Variants in PCSK5 observed in about 807,000 individuals in gnomAD.
The protein encoded by PCSK5 is prohormone convertase 5.
A neutral mutation model predicts 233.2 loss-of-function variants in PCSK5; 129 were observed. That is an observed-to-expected ratio of 0.55 (90% confidence interval 0.48 to 0.64). PCSK5 has a LOEUF of 0.64. Among genes scored for constraint, PCSK5 ranks in the 30% least tolerant of loss-of-function variants. The pLI, the probability that PCSK5 is intolerant of heterozygous loss-of-function variation, is 0.00. For missense variants in PCSK5, 2,076 were observed against 2,430.1 expected, an observed-to-expected ratio of 0.85 and a Z score of 3.06; for synonymous variants, 825 against 879.2, an observed-to-expected ratio of 0.94 and a Z score of 1.09.
chr9:75,934,310 A>G (rs1823949678), intron 2 of PCSK5, among the ~76,000 whole-genome samples: 1 of 152,164 alleles, frequency 6.6e-6, no homozygotes, highest in African/African-American at 2.4e-5. Context: ...CAGGACAGCC[A>G]CGGTTCCTAC....
intron 20 of PCSK5, among the ~76,000 whole-genome samples, chr9:76,208,030 G>C (rs984419323): frequency 3.3e-5 from 5 of 152,144 alleles, no homozygotes; most frequent in Admixed American, 3.3e-4. Context: ...GTGTCAGAGA[G>C]AAATGGGAGC....
At chr9:76,211,958 C>A (rs78027341) in intron 20 of PCSK5, among the ~76,000 whole-genome samples, 2 of 152,194 alleles carry the variant, frequency 1.3e-5, no homozygotes, top group Non-Finnish European at 2.9e-5. Context: ...AGCACTGCAC[C>A]TTTTACCTGC....
chr9:75,972,311 G>A (rs151001050), intron 2 of PCSK5, among the ~76,000 whole-genome samples: 2,312 of 152,242 alleles, frequency 0.015, 59 homozygotes, highest in African/African-American at 0.052. Flanking sequence ...GTCAGGTAGC[G>A]TGATGCCTCC....
chr9:76,119,449 A>G (rs907632906), intron 9 of PCSK5, among the ~76,000 whole-genome samples: 66 of 152,062 alleles, frequency 4.3e-4, no homozygotes, highest in Non-Finnish European at 1.3e-4. Flanking sequence ...AATTTTACAT[A>G]TGCTGATGAA....
intron 24 of PCSK5, among the ~76,000 whole-genome samples, chr9:76,266,354 T>C (rs1410444179): frequency 6.6e-6 from 1 of 152,200 alleles, no homozygotes; most frequent in Admixed American, 6.6e-5. Flanking sequence ...ACTTACTATA[T>C]GTAGACATAA....
chr9:76,319,584 G>A (rs1343601815), intron 30 of PCSK5, among the ~76,000 whole-genome samples: 3 of 152,016 alleles, frequency 2.0e-5, no homozygotes, highest in Admixed American at 1.3e-4. Flanking sequence ...TTGGTCGAGC[G>A]GTAACGCCAG....
intron 3 of PCSK5, among the ~76,000 whole-genome samples, chr9:76,015,555 A>G (rs1015505216): frequency 6.6e-6 from 1 of 152,238 alleles, no homozygotes; most frequent in Non-Finnish European, 1.5e-5. Context: ...GATAAAACAC[A>G]TATATAACCA....
chr9:76,297,942 A>T (rs1190104206), intron 27 of PCSK5, among the ~76,000 whole-genome samples: 2 of 152,188 alleles, frequency 1.3e-5, no homozygotes, highest in African/African-American at 4.8e-5. Flanking sequence ...GCCAAAGGCC[A>T]CGGAGAACAC....
chr9:76,081,484 CAAAT>C lies in PCSK5; in HGVS notation c.894+9604_894+9607del, dbSNP rs927683255. Among the ~76,000 whole-genome samples the C allele has an allele frequency of 7.3e-5, 11 of 149,680 alleles. No homozygotes were observed. In the South Asian group the frequency reaches 1.1e-3, roughly 14 times the overall value. ...ATAAATAAATAAATAAACAAACAAA[CAAAT>C]AAATAAATAAATAAATACATAAAAG... On this transcript the variant is annotated intron_variant, in intron 7 of 37. Transcript: ENST00000674117.
At chr9:76,283,043 T>C (rs1827931971) in intron 24 of PCSK5, among the ~76,000 whole-genome samples, 1 of 152,194 alleles carries the variant, frequency 6.6e-6, no homozygotes, top group Admixed American at 6.5e-5. Flanking sequence ...ACAATAAAAT[T>C]TGAACAGACA....
intron 10 of PCSK5, among the ~76,000 whole-genome samples, chr9:76,140,365 T>A (rs1476642551): frequency 6.6e-6 from 1 of 152,118 alleles, no homozygotes. Flanking sequence ...AGAGTTTTTG[T>A]ACCTTGGTTT....
chr9:76,024,408 C>T (rs1828332035), intron 4 of PCSK5, among the ~76,000 whole-genome samples: 1 of 152,190 alleles, frequency 6.6e-6, no homozygotes, highest in South Asian at 2.1e-4. Context: ...TCTAAGTGCA[C>T]TCAGATAAAC....
intron 20 of PCSK5, among the ~76,000 whole-genome samples, chr9:76,200,650 A>G (rs1824877247): frequency 6.6e-6 from 1 of 152,108 alleles, no homozygotes; most frequent in Admixed American, 6.5e-5. Flanking sequence ...GCAAGAAATT[A>G]AAAATCAAAG....
At position 76,321,541 on chromosome 9, in the gene PCSK5, G is replaced by A. The variant is rs1829203906; in HGVS notation, c.4004G>A (p.Cys1335Tyr). ...EGGHVLHHGVCQENCPERHVA... is the reference protein window; with the variant it reads ...EGGHVLHHGVYQENCPERHVA... ...GGCCACGTCCTGCACCACGGAGTGT[G>A]CCAGGAAAACTGCCCCGAGAGGCAC... Residue 1335 changes from cysteine (C) to tyrosine (Y), a missense_variant, in exon 31 of 38, where the codon TGC becomes TAC. By Grantham distance (194) the Cys-to-Tyr change is radical. Coordinates refer to ENST00000674117, the MANE Select transcript of PCSK5 (RefSeq NM_001372043.1). 5 of 1,612,438 alleles carry A rather than the reference G, an allele frequency of 3.1e-6. No homozygotes were observed. Among genetic ancestry groups the A allele is most frequent in the Non-Finnish European group, 4.2e-6 (5 of 1,179,490 alleles).
intron 1 of PCSK5, among the ~76,000 whole-genome samples, chr9:75,918,535 G>A (rs1823106036): frequency 6.6e-6 from 1 of 152,166 alleles, no homozygotes; most frequent in Non-Finnish European, 1.5e-5. Context: ...ATGGCTGATA[G>A]CACTTAGGAG....
chr9:76,223,301 T>C (rs1028662787), intron 20 of PCSK5, among the ~76,000 whole-genome samples: 23 of 152,200 alleles, frequency 1.5e-4, no homozygotes, highest in Non-Finnish European at 4.4e-5. Flanking sequence ...GTAGCATTTG[T>C]TCAGGAGAAA....
At chr9:76,133,658 GTTC>G (rs1564051839) in intron 9 of PCSK5, among the ~76,000 whole-genome samples, 1 of 151,944 alleles carries the variant, frequency 6.6e-6, no homozygotes, top group Non-Finnish European at 1.5e-5. Context: ...ACATTGCTAC[GTTC>G]TTCTGGTAAA....
At position 76,244,563 on chromosome 9, in the gene PCSK5, G is replaced by T. The variant is rs73652907; in HGVS notation, c.3142+3879G>T. On this transcript the variant is annotated intron_variant, in intron 24 of 37. Transcript: ENST00000674117. Reference sequence around the variant, plus strand: ...ATAATTAGCTGTTGAAAATCCTGGGGTTTTTTTTTTTTTTTTTTAGCTTTG... The same window carrying T: ...ATAATTAGCTGTTGAAAATCCTGGGTTTTTTTTTTTTTTTTTTTAGCTTTG... Among the ~76,000 whole-genome samples, 236 of 66,670 alleles carry T rather than the reference G, an allele frequency of 3.5e-3. 6 individuals carry two copies. The highest frequency in any genetic ancestry group is 7.8e-3 in the Middle Eastern group (1 of 128). The allele number at this position is 66,670 out of a possible 152,430, so 43.7% of individuals were successfully genotyped here. A position where few individuals can be genotyped will look rare whatever the true frequency, so the allele number is the denominator to read the frequency against.
intron 2 of PCSK5, among the ~76,000 whole-genome samples, chr9:75,965,218 T>G (rs1825523091): frequency 6.6e-6 from 1 of 152,042 alleles, no homozygotes; most frequent in Non-Finnish European, 1.5e-5. Context: ...CAGTAGGAGA[T>G]ATACATCTCC....
Sources: gnomAD v4.1 joint callset for allele counts (sites outside exome capture counted in the v4.1 genomes callset) on GRCh38, gnomAD v4.1.1 for gene constraint, MANE v1.5 for transcripts, NCBI Gene and HGNC (gene_info 2026-07-23, HGNC 2026-07-21) for gene names.